PHYKPL: variants seen among roughly 807,000 people sequenced by gnomAD.
PHYKPL encodes the protein 5-phosphohydroxy-L-lysine phospho-lyase.
Under a neutral mutation model 51.3 loss-of-function variants are expected in PHYKPL, and 42 were observed. The observed-to-expected ratio is 0.82, with a 90% CI of 0.64 to 1.06. The LOEUF (loss-of-function observed/expected upper bound fraction) is 1.06, where lower values mean the gene tolerates loss of function less well. Among genes scored for constraint, PHYKPL ranks in the 50% least tolerant of loss-of-function variants. The pLI, the probability that PHYKPL is intolerant of heterozygous loss-of-function variation, is 0.00. For synonymous variants in PHYKPL, 264 were observed against 236.0 expected, an observed-to-expected ratio of 1.12 and a Z score of -1.09; for missense variants, 655 against 586.6, an observed-to-expected ratio of 1.12 and a Z score of -1.20.
chr5:178,211,127 T>G (rs1399247383), intron 12 of PHYKPL: 2 of 157,092 alleles, frequency 1.3e-5, no homozygotes, highest in Non-Finnish European at 2.8e-5. Flanking sequence ...ATATTGAAGC[T>G]ATCCAAGCTT....
At chr5:178,209,940 C>T (rs994326711) in intron 12 of PHYKPL, among the ~76,000 whole-genome samples, 2 of 151,888 alleles carry the variant, frequency 1.3e-5, no homozygotes, top group African/African-American at 4.8e-5. Flanking sequence ...GCATCCTGGT[C>T]TCTGATCCTC....
Position 178,224,491 on chromosome 5 carries a change from T to G in PHYKPL, c.575A>C (p.Glu192Ala), listed in dbSNP as rs954153590. ...HPNPAMAYAN[E>A]VKRVVSSAQE... ...TGCACTGCTGACCACACGTTTCACC[T>G]CGTTGGCATAGGCCATAGCTGGGTT... Residue 192 changes from glutamate to alanine, a missense_variant, in exon 6 of 13, where the codon GAG becomes GCG. Physicochemically the swap from Glu to Ala is moderately radical, Grantham distance 107. Transcript: ENST00000308158. 61 of 1,610,482 alleles carry G rather than the reference T, an allele frequency of 3.8e-5. No individual in the cohort carries two copies. In the Admixed American group the frequency reaches 9.7e-4, roughly 26 times the overall value.
intron 8 of PHYKPL, among the ~76,000 whole-genome samples, chr5:178,219,038 G>A (rs148192042): frequency 3.2e-4 from 49 of 152,216 alleles, no homozygotes; most frequent in African/African-American, 1.1e-3. Flanking sequence ...GATTCACATC[G>A]TGTACAAAAA....
intron 12 of PHYKPL, chr5:178,211,081 G>A (rs1329259780): frequency 5.8e-6 from 1 of 171,796 alleles, no homozygotes; most frequent in Non-Finnish European, 1.2e-5. Flanking sequence ...GTATTGTAAG[G>A]TATTTTACAC....
intron 12 of PHYKPL, chr5:178,210,391 G>C: frequency 6.4e-7 from 1 of 1,569,724 alleles, no homozygotes; most frequent in Non-Finnish European, 8.7e-7. Flanking sequence ...TCAGCCATGG[G>C]AGCTACTTGA....
rs1763056159 is a variant in PHYKPL at position 178,229,996 on chromosome 5, C to G, written c.282G>C (p.Gln94His). Residue 94 changes from glutamine (Q) to histidine (H), a missense_variant, in exon 3 of 13, where the codon CAG becomes CAC. Transcript: ENST00000308158. ...YLHDNIVDYA[Q>H]RLSETLPEQL... ...GCTCCGGCAGGGTCTCTGACAGCCT[C>G]TGCGCATAGTCCACGATGTTGTCAT... 1.2e-6 allele frequency: 2 copies of G among 1,614,258 alleles called. No individual in the cohort carries two copies. Among genetic ancestry groups the G allele is most frequent in the African/African-American group, 2.7e-5 (2 of 75,070 alleles).
chr5:178,224,201 G>C (rs1761794861), intron 6 of PHYKPL: 5 of 474,806 alleles, frequency 1.1e-5, no homozygotes, highest in African/African-American at 6.0e-5. Flanking sequence ...CTGTGTCAGA[G>C]AGCACCCCCT....
At chr5:178,230,256 C>G in intron 2 of PHYKPL, 157 bp from the exon 3 acceptor site, 5 of 883,290 alleles carry the variant, frequency 5.7e-6, no homozygotes, top group Non-Finnish European at 8.4e-6. Context: ...GAGAGAGAAG[C>G]TGGTTCTGGA....
Position 178,232,562 on chromosome 5 carries a change from G to A in PHYKPL, c.-12C>T. ...TGGTCTGCGGCCATGGTGGGTGGCC[G>A]TCAGTCGGTGCCGTGACGCCACGCG... On this transcript the variant is annotated 5_prime_UTR_variant, in exon 1 of 13. In the 5' UTR this introduces an upstream ATG that the reference lacks. Coordinates refer to ENST00000308158, the MANE Select transcript of PHYKPL (RefSeq NM_153373.4). 3 of 1,278,174 alleles carry A rather than the reference G, an allele frequency of 2.3e-6. No individual in the cohort carries two copies. Among genetic ancestry groups the A allele is most frequent in the Non-Finnish European group, 2.0e-6 (2 of 1,015,542 alleles). 79.2% of individuals were successfully genotyped at this position (1,278,174 alleles called of 1,614,324 possible).
chr5:178,218,133 C>A (rs547125787), intron 8 of PHYKPL, among the ~76,000 whole-genome samples: 89 of 107,760 alleles, frequency 8.3e-4, no homozygotes, highest in Non-Finnish European at 1.4e-3. Context: ...AGGAGAATGG[C>A]ATGAACCCGG....
chr5:178,211,080 G>A (rs1202414947), intron 12 of PHYKPL: 1 of 172,338 alleles, frequency 5.8e-6, no homozygotes, highest in African/African-American at 2.4e-5. Flanking sequence ...TGTATTGTAA[G>A]GTATTTTACA....
At chr5:178,231,623 G>T in intron 1 of PHYKPL, 100 bp from the exon 2 acceptor site, 1 of 1,590,566 alleles carries the variant, frequency 6.3e-7, no homozygotes, top group Non-Finnish European at 8.6e-7. Context: ...GTTTCTGGTG[G>T]CGGGGGGGAA....
downstream of PHYKPL, chr5:178,207,323 G>C: frequency 6.9e-7 from 1 of 1,455,414 alleles, no homozygotes; most frequent in East Asian, 2.3e-5. Context: ...GAGCTCTCCA[G>C]GTTGGTCAGA....
At chr5:178,224,264 C>A (rs1581321265) in intron 6 of PHYKPL, 184 bp downstream of exon 6, 6 of 653,202 alleles carry the variant, frequency 9.2e-6, no homozygotes, top group Middle Eastern at 3.9e-4. Flanking sequence ...TGGCTGGCTA[C>A]CACGCCCATG....
At chr5:178,231,895 A>T (rs3749810) in intron 1 of PHYKPL, 1 of 1,311,068 alleles carries the variant, frequency 7.6e-7, no homozygotes, top group Non-Finnish European at 1.0e-6. Flanking sequence ...GGGCACCAAC[A>T]TTAGGTGCCT....
intron 1 of PHYKPL, 151 bp downstream of exon 1, chr5:178,232,341 C>A (rs1010899792): frequency 1.3e-5 from 17 of 1,274,960 alleles, no homozygotes; most frequent in Middle Eastern, 3.0e-4. Flanking sequence ...CCTAGAAGCT[C>A]CAGCGGGGCC....
intron 10 of PHYKPL, among the ~76,000 whole-genome samples, chr5:178,213,530 C>T (rs904133938): frequency 2.0e-5 from 3 of 152,350 alleles, no homozygotes; most frequent in African/African-American, 7.2e-5. Flanking sequence ...CTTCAGGCAT[C>T]TTCCTGCCCT....
At chr5:178,230,125 C>G (rs746224121) in intron 2 of PHYKPL, 26 bp from the exon 3 acceptor site, 2 of 1,611,326 alleles carry the variant, frequency 1.2e-6, no homozygotes, top group Non-Finnish European at 1.7e-6. Context: ...CTCCGTCACA[C>G]GGCTGGCTCC....
intron 3 of PHYKPL, chr5:178,228,607 T>C (rs1267548726): frequency 2.8e-6 from 2 of 702,578 alleles, no homozygotes; most frequent in South Asian, 3.0e-5. Context: ...ATGAAGATGG[T>C]GAATTCCACT....
Sources: gnomAD v4.1 joint callset for allele counts (sites outside exome capture counted in the v4.1 genomes callset) on GRCh38, gnomAD v4.1.1 for gene constraint, MANE v1.5 for transcripts, NCBI Gene and HGNC (gene_info 2026-07-23, HGNC 2026-07-21) for gene names.